The following FAM222B variants were observed in gnomAD, a reference collection of about 807,000 sequenced individuals.
FAM222B encodes the protein protein FAM222B.
FAM222B carries 12 observed loss-of-function variants against 38.0 expected under a neutral mutation model. That is an observed-to-expected ratio of 0.32 (90% CI 0.20 to 0.51). The LOEUF (loss-of-function observed/expected upper bound fraction) is 0.51. Ranked by LOEUF, FAM222B falls within the 20% of genes least tolerant of loss-of-function variation. The pLI is 0.97. For synonymous variants in FAM222B, 329 were observed against 317.2 expected (o/e 1.04, Z -0.40); for missense variants, 716 against 754.2 (o/e 0.95, Z 0.59).
intron 1 of FAM222B, among the ~76,000 whole-genome samples, chr17:28,829,842 T>C (rs1437600753): frequency 6.6e-6 from 1 of 152,108 alleles, no homozygotes; most frequent in African/African-American, 2.4e-5. Flanking sequence ...TTAGGTCATT[T>C]TTTTTAAATT....
chr17:28,778,922 C>T (rs1008683890), intron 1 of FAM222B, among the ~76,000 whole-genome samples: 3 of 150,908 alleles, frequency 2.0e-5, no homozygotes, highest in Non-Finnish European at 2.9e-5. Flanking sequence ...AGGACTGGAT[C>T]GCTGTAACTT....
chr17:28,788,662 C>G (rs1195188944), intron 1 of FAM222B, among the ~76,000 whole-genome samples: 1 of 152,096 alleles, frequency 6.6e-6, no homozygotes, highest in Non-Finnish European at 1.5e-5. Context: ...TTGAGTTAAT[C>G]GGGGAGGAAA....
At chr17:28,795,029 G>C (rs968857456) in intron 1 of FAM222B, among the ~76,000 whole-genome samples, 5 of 151,432 alleles carry the variant, frequency 3.3e-5, no homozygotes, top group Admixed American at 2.6e-4. Flanking sequence ...GGAGGCCAAG[G>C]TTGCAGTGAG....
At chr17:28,810,948 G>A (rs1163731465) in intron 1 of FAM222B, among the ~76,000 whole-genome samples, 2 of 152,088 alleles carry the variant, frequency 1.3e-5, no homozygotes, top group Non-Finnish European at 2.9e-5. Context: ...GACAGCTCCA[G>A]TGTATCAATT....
intron 2 of FAM222B, among the ~76,000 whole-genome samples, chr17:28,763,384 AAAG>A (rs1292394594): frequency 2.6e-5 from 4 of 152,260 alleles, no homozygotes; most frequent in Non-Finnish European, 5.9e-5. Context: ...CAGACAACAC[AAAG>A]AAAACTGACT....
At chr17:28,813,425 G>T (rs1187997718) in intron 1 of FAM222B, among the ~76,000 whole-genome samples, 2 of 152,066 alleles carry the variant, frequency 1.3e-5, no homozygotes, top group African/African-American at 4.8e-5. Flanking sequence ...TTGCTATAAA[G>T]TATATAACTG....
At chr17:28,800,673 T>C (rs1401975350) in intron 1 of FAM222B, among the ~76,000 whole-genome samples, 4 of 152,188 alleles carry the variant, frequency 2.6e-5, no homozygotes, top group African/African-American at 7.2e-5. Flanking sequence ...GTTCTTTTTG[T>C]CTCTCTGGAG....
chr17:28,802,042 A>G (rs2037257177), intron 1 of FAM222B, among the ~76,000 whole-genome samples: 1 of 151,886 alleles, frequency 6.6e-6, no homozygotes, highest in Non-Finnish European at 1.5e-5. Context: ...AAAGAAAAAA[A>G]GTGATTGTTC....
At position 28,768,595 on chromosome 17, in the gene FAM222B, G is replaced by A. The variant is rs71372391; in HGVS notation, c.-40-1888C>T. ...CTCACACCTGTAATCCCAGCACTTTGGGAGGCCGAGGCGGGCAGATTACCT... is the reference window on the plus strand; with the variant it reads ...CTCACACCTGTAATCCCAGCACTTTAGGAGGCCGAGGCGGGCAGATTACCT... On this transcript the variant is annotated intron_variant, in intron 1 of 2. Coordinates refer to ENST00000581407, the MANE Select transcript of FAM222B (RefSeq NM_001077498.3). Among the ~76,000 whole-genome samples, 225 of 152,108 alleles carry A rather than the reference G, an allele frequency of 1.5e-3. 2 individuals are homozygous for A. Among genetic ancestry groups the A allele is most frequent in the Non-Finnish European group, 2.5e-3 (172 of 67,976 alleles).
At chr17:28,779,975 CTTT>C (rs201541427) in intron 1 of FAM222B, among the ~76,000 whole-genome samples, 1 of 144,424 alleles carries the variant, frequency 6.9e-6, no homozygotes. Flanking sequence ...ACTCTAGCCA[CTTT>C]TTTTTTTTTT....
intron 1 of FAM222B, among the ~76,000 whole-genome samples, chr17:28,826,761 T>C (rs2038455786): frequency 6.6e-6 from 1 of 151,998 alleles, no homozygotes; most frequent in East Asian, 1.9e-4. Flanking sequence ...GCAGGGACTT[T>C]GTCTATCTTG....
At chr17:28,764,862 G>A (rs1171171959) in intron 2 of FAM222B, among the ~76,000 whole-genome samples, 3 of 152,142 alleles carry the variant, frequency 2.0e-5, no homozygotes, top group Admixed American at 2.0e-4. Flanking sequence ...GGGTAAAGCT[G>A]TCAGAGTGTG....
intron 1 of FAM222B, among the ~76,000 whole-genome samples, chr17:28,779,126 A>G (rs1368319845): frequency 6.6e-6 from 1 of 152,048 alleles, no homozygotes; most frequent in South Asian, 2.1e-4. Flanking sequence ...ATTCTTCTCA[A>G]ACTCTTCCCA....
At chr17:28,772,500 G>C (rs1398333281) in intron 1 of FAM222B, among the ~76,000 whole-genome samples, 2 of 146,120 alleles carry the variant, frequency 1.4e-5, no homozygotes, top group African/African-American at 5.1e-5. Flanking sequence ...CGAGGCGGGC[G>C]GATCACGAGG....
intron 1 of FAM222B, among the ~76,000 whole-genome samples, chr17:28,848,488 C>A (rs2039160220): frequency 6.6e-6 from 1 of 151,970 alleles, no homozygotes; most frequent in African/African-American, 2.4e-5. Flanking sequence ...GGCCCGGGCA[C>A]GGTGGCTCAC....
chr17:28,805,544 T>A (rs949872786), intron 1 of FAM222B, among the ~76,000 whole-genome samples: 4 of 149,920 alleles, frequency 2.7e-5, no homozygotes, highest in Non-Finnish European at 5.9e-5. Context: ...TCAAAAAAAA[T>A]AAAAGAGGCT....
At chr17:28,780,877 C>G (rs574323575) in intron 1 of FAM222B, among the ~76,000 whole-genome samples, 17 of 151,104 alleles carry the variant, frequency 1.1e-4, no homozygotes, top group African/African-American at 3.9e-4. Flanking sequence ...AATGAAACTC[C>G]GTCTCAAAAA....
At chr17:28,826,077 G>A (rs933760595) in intron 1 of FAM222B, among the ~76,000 whole-genome samples, 1 of 145,460 alleles carries the variant, frequency 6.9e-6, no homozygotes, top group Non-Finnish European at 1.5e-5. Flanking sequence ...TGTTTTTTTT[G>A]TTGTTTTTTT....
intron 1 of FAM222B, among the ~76,000 whole-genome samples, chr17:28,848,649 T>C (rs180803291): frequency 6.6e-6 from 1 of 151,822 alleles, no homozygotes; most frequent in East Asian, 1.9e-4. Context: ...TCCCAGCTAC[T>C]TGGGAGGCTG....
Sources: gnomAD v4.1 joint callset for allele counts (sites outside exome capture counted in the v4.1 genomes callset) on GRCh38, gnomAD v4.1.1 for gene constraint, MANE v1.5 for transcripts, NCBI Gene and HGNC (gene_info 2026-07-23, HGNC 2026-07-21) for gene names.